SPIRE1: variants seen among roughly 807,000 people sequenced by gnomAD.
SPIRE1 encodes protein spire homolog 1.
In SPIRE1, 40 loss-of-function variants were observed where a neutral mutation model predicts 94.1. The observed-to-expected ratio is 0.43, with a 90% CI of 0.33 to 0.55. The LOEUF (loss-of-function observed/expected upper bound fraction) is 0.55. SPIRE1 is among the 20% of genes least tolerant of loss of function. The pLI is 0.06. For synonymous variants in SPIRE1, 376 were observed against 371.7 expected, an observed-to-expected ratio of 1.01 and a Z score of -0.13; for missense variants, 838 against 975.2, an observed-to-expected ratio of 0.86 and a Z score of 1.87.
intron 2 of SPIRE1, among the ~76,000 whole-genome samples, chr18:12,631,580 A>G (rs1256695161): frequency 6.6e-6 from 1 of 150,682 alleles, no homozygotes; most frequent in Admixed American, 6.6e-5. Context: ...AAAAAACATA[A>G]AAATAAAAAA....
chr18:12,464,868 T>C lies in SPIRE1; in HGVS notation c.1495A>G (p.Lys499Glu), dbSNP rs200544551. 3.4e-4 allele frequency: 541 copies of C among 1,611,862 alleles called. 1 individual carries two copies. The highest frequency in any genetic ancestry group is 4.5e-4 in the Non-Finnish European group (526 of 1,178,032). Residue 499 changes from lysine (K) to glutamate (E), a missense_variant and splice_region_variant, in exon 11 of 17, where the codon AAG becomes GAG. Physicochemically the swap from Lys to Glu is moderately conservative, Grantham distance 56. Coordinates refer to ENST00000409402, the MANE Select transcript of SPIRE1 (RefSeq NM_001128626.2). ...PVLEAVSTRK[K>E]PPKFLPISST... ...AGCTCTTAGCACCACAACTACTCAC[T>C]CTTCCTTGTGGACACGGCCTCCAGG...
chr18:12,657,615 C>T lies in SPIRE1; in HGVS notation c.252G>A (p.Ser84=). Reference sequence around the variant, plus strand: ...CCCTCCAGACGCGGATCTGCGCGGCCGAGCGCACACGGTGGCGGGGCTGGC... The same window carrying T: ...CCCTCCAGACGCGGATCTGCGCGGCTGAGCGCACACGGTGGCGGGGCTGGC... ...RRRQPRHRVR[S]AAQIRVWRDG... is the part of the protein sequence containing the mutation. Residue 84 remains serine, a synonymous_variant, in exon 1 of 17, where the codon TCG becomes TCA. Coordinates refer to ENST00000409402, the MANE Select transcript of SPIRE1 (RefSeq NM_001128626.2). The T allele has an allele frequency of 1.5e-6, 2 of 1,293,832 alleles. No individual in the cohort carries two copies. Among genetic ancestry groups the T allele is most frequent in the Non-Finnish European group, 2.0e-6 (2 of 1,023,462 alleles). The allele number at this position is 1,293,832 out of a possible 1,614,324, so 80.1% of individuals were successfully genotyped here.
intron 12 of SPIRE1, among the ~76,000 whole-genome samples, chr18:12,460,234 C>T (rs769320747): frequency 1.1e-4 from 17 of 152,164 alleles, no homozygotes; most frequent in Non-Finnish European, 1.6e-4. Flanking sequence ...AGAGGCAACT[C>T]GTTACTGTGC....
Position 12,640,629 on chromosome 18 carries a change from C to A in SPIRE1, c.338-5533G>T, listed in dbSNP as rs185593299. Among the ~76,000 whole-genome samples, 821 of 152,192 alleles carry A rather than the reference C, an allele frequency of 5.4e-3. 6 individuals are homozygous for A. The highest frequency in any genetic ancestry group is 9.6e-3 in the Non-Finnish European group (656 of 68,014). On this transcript the variant is annotated intron_variant, in intron 1 of 16. Transcript: ENST00000409402. ...AGGGAGAGAAAGTAACAGAAATGAC[C>A]CCATCTGGGGTGGTCAGGTAAGATT...
chr18:12,520,208 A>G (rs2034318912), intron 4 of SPIRE1, among the ~76,000 whole-genome samples: 1 of 152,222 alleles, frequency 6.6e-6, no homozygotes, highest in South Asian at 2.1e-4. Context: ...TGCGCTTGTT[A>G]GTTATACATA....
At chr18:12,578,726 C>T (rs1396126245) in intron 2 of SPIRE1, among the ~76,000 whole-genome samples, 1 of 152,180 alleles carries the variant, frequency 6.6e-6, no homozygotes. Flanking sequence ...CAATCTCTTA[C>T]TCTTTAGTCA....
At chr18:12,486,261 G>C (rs2033036311) in intron 8 of SPIRE1, among the ~76,000 whole-genome samples, 2 of 152,062 alleles carry the variant, frequency 1.3e-5, no homozygotes, top group African/African-American at 4.8e-5. Context: ...AAAAATGAAA[G>C]CATGATAAAA....
chr18:12,464,981 A>G, intron 10 of SPIRE1, 23 bp from the exon 11 acceptor site: 1 of 1,607,896 alleles, frequency 6.2e-7, no homozygotes. Flanking sequence ...CAGGTGGAGA[A>G]ATCGACTTCT....
chr18:12,548,439 AAAT>A (rs1370369496), intron 2 of SPIRE1, among the ~76,000 whole-genome samples: 17 of 152,312 alleles, frequency 1.1e-4, no homozygotes, highest in African/African-American at 3.8e-4. Flanking sequence ...TTTACCAATG[AAAT>A]AATATTTTCT....
intron 2 of SPIRE1, among the ~76,000 whole-genome samples, chr18:12,590,596 C>A (rs1264457807): frequency 6.6e-6 from 1 of 151,596 alleles, no homozygotes; most frequent in Non-Finnish European, 1.5e-5. Flanking sequence ...ATAAAAGTGT[C>A]CTGAGCCTCA....
chr18:12,645,151 C>T (rs2038190683), intron 1 of SPIRE1, among the ~76,000 whole-genome samples: 1 of 151,460 alleles, frequency 6.6e-6, no homozygotes, highest in Non-Finnish European at 1.5e-5. Flanking sequence ...AGTTAAATGG[C>T]TTGCCTGAGG....
intron 1 of SPIRE1, among the ~76,000 whole-genome samples, chr18:12,650,641 C>T (rs976754902): frequency 3.5e-4 from 52 of 148,160 alleles, no homozygotes; most frequent in Admixed American, 4.1e-4. Flanking sequence ...ACCCGGGAGG[C>T]AGAGGTTGCA....
At chr18:12,492,201 A>G (rs531843978) in intron 8 of SPIRE1, among the ~76,000 whole-genome samples, 2 of 152,326 alleles carry the variant, frequency 1.3e-5, no homozygotes, top group African/African-American at 2.4e-5. Flanking sequence ...GAAACTTTGA[A>G]GTCCAAGAGT....
Position 12,493,115 on chromosome 18 carries a change from C to T in SPIRE1, c.1146G>A (p.Lys382=). ...TCTCCTCTGGTGATACAGGCCGCAG[C>T]TTTCTTTCTGCTTTAATTTCTTCTA... is the stretch of plus-strand genomic sequence containing the variant. ...RILEEIKAER[K]LRPVSPEEIR... Residue 382 remains lysine (K), a synonymous_variant, in exon 8 of 17, where the codon AAG becomes AAA. Transcript: ENST00000409402. 6.2e-7 allele frequency: 1 copy of T among 1,613,656 alleles called. No homozygotes were observed. The highest frequency in any genetic ancestry group is 1.1e-5 in the South Asian group (1 of 91,050).
At chr18:12,533,504 C>T (rs562646219) in intron 4 of SPIRE1, among the ~76,000 whole-genome samples, 145 of 152,216 alleles carry the variant, frequency 9.5e-4, no homozygotes, top group Admixed American at 1.6e-3. Context: ...CCAATCATCA[C>T]GCTTAGGAAC....
intron 2 of SPIRE1, among the ~76,000 whole-genome samples, chr18:12,630,816 G>A (rs1354384236): frequency 2.0e-5 from 3 of 152,186 alleles, no homozygotes; most frequent in Non-Finnish European, 4.4e-5. Flanking sequence ...GCCCCAGAAT[G>A]GCAGCCAGCC....
At chr18:12,516,914 T>C (rs1265744318) in intron 4 of SPIRE1, among the ~76,000 whole-genome samples, 1 of 152,216 alleles carries the variant, frequency 6.6e-6, no homozygotes, top group Non-Finnish European at 1.5e-5. Context: ...CCTCACTCAT[T>C]GCCACTAAGA....
At chr18:12,615,327 C>CAAAAA (rs1234229698) in intron 2 of SPIRE1, among the ~76,000 whole-genome samples, 1 of 2,188 alleles carries the variant, frequency 4.6e-4, no homozygotes, top group Non-Finnish European at 9.1e-4. Context: ...AACTCTGTCT[C>CAAAAA]AAAAAAAAAA....
intron 9 of SPIRE1, among the ~76,000 whole-genome samples, chr18:12,480,141 T>C (rs2032785584): frequency 6.6e-6 from 1 of 152,214 alleles, no homozygotes. Flanking sequence ...AACTTGTTTA[T>C]TTTCCAGATG....
Sources: gnomAD v4.1 joint callset for allele counts (sites outside exome capture counted in the v4.1 genomes callset) on GRCh38, gnomAD v4.1.1 for gene constraint, MANE v1.5 for transcripts, NCBI Gene and HGNC (gene_info 2026-07-23, HGNC 2026-07-21) for gene names.